The following DOCK11 variants were observed in gnomAD, a reference collection of about 807,000 sequenced individuals.
DOCK11 encodes the protein dedicator of cytokinesis protein 11.
Under a neutral mutation model 169.1 loss-of-function variants are expected in DOCK11, and 70 were observed. The ratio of observed to expected loss-of-function variants is 0.41; its 90% confidence interval spans 0.34 to 0.51. The LOEUF (loss-of-function observed/expected upper bound fraction) is 0.51, where lower values mean the gene tolerates loss of function less well. Ranked by LOEUF, DOCK11 falls within the 20% of genes least tolerant of loss-of-function variation. The pLI, the probability that DOCK11 is intolerant of heterozygous loss-of-function variation, is 0.10. For synonymous variants in DOCK11, 529 were observed against 541.3 expected, an observed-to-expected ratio of 0.98 and a Z score of 0.32; for missense variants, 1,166 against 1,538.8, an observed-to-expected ratio of 0.76 and a Z score of 4.05.
intron 20 of DOCK11, 45 bp downstream of exon 20, chrX:118,593,382 G>C: frequency 8.7e-7 from 1 of 1,151,095 alleles, no homozygotes; most frequent in South Asian, 2.1e-5. Flanking sequence ...TATTTGAAAT[G>C]GAACTGTCCA....
chrX:118,615,091 C>T (rs1387411747), intron 29 of DOCK11, among the ~76,000 whole-genome samples: 1 of 111,686 alleles, frequency 9.0e-6, no homozygotes, highest in East Asian at 2.8e-4. Flanking sequence ...GGTAGCAATC[C>T]ACATGCAGCC....
chrX:118,513,845 A>T (rs1327247577), intron 1 of DOCK11, among the ~76,000 whole-genome samples: 1 of 111,692 alleles, frequency 9.0e-6, no homozygotes, highest in East Asian at 2.8e-4. Flanking sequence ...CACACTTCAG[A>T]GCACCTGGAG....
At chrX:118,519,530 C>T (rs886095764) in intron 1 of DOCK11, among the ~76,000 whole-genome samples, 3 of 112,041 alleles carry the variant, frequency 2.7e-5, no homozygotes, top group African/African-American at 9.7e-5. Context: ...CAGAGCTTGA[C>T]TCTGTCTCAA....
intron 52 of DOCK11, among the ~76,000 whole-genome samples, chrX:118,684,251 CTTTTTTTTCTT>C (rs1162153393): frequency 3.9e-4 from 39 of 100,653 alleles, no homozygotes; most frequent in Non-Finnish European, 6.2e-4. Context: ...CTTCTTCAAG[CTTTTTTTTCTT>C]TTTTTTTTCT....
At chrX:118,681,031 A>G in intron 49 of DOCK11, 27 bp from the exon 50 acceptor site, 1 of 1,115,604 alleles carries the variant, frequency 9.0e-7, no homozygotes, top group Non-Finnish European at 1.2e-6. Flanking sequence ...TTCTAAAGTC[A>G]GTAAATCAAT....
chrX:118,674,532 G>A (rs1277291440), intron 46 of DOCK11, among the ~76,000 whole-genome samples: 1 of 112,329 alleles, frequency 8.9e-6, no homozygotes, highest in Non-Finnish European at 1.9e-5. Flanking sequence ...AGATTCCATT[G>A]TATGGATATA....
At chrX:118,557,496 C>T (rs1032824118) in intron 6 of DOCK11, among the ~76,000 whole-genome samples, 1 of 110,602 alleles carries the variant, frequency 9.0e-6, no homozygotes, top group Admixed American at 9.6e-5. Flanking sequence ...AGGCCGGGCG[C>T]GGTGGCTCAT....
chrX:118,508,508 G>A (rs905553329), intron 1 of DOCK11, among the ~76,000 whole-genome samples: 2 of 111,084 alleles, frequency 1.8e-5, no homozygotes, highest in Non-Finnish European at 3.8e-5. Flanking sequence ...TCGTTTCCTA[G>A]AGATCTGAAG....
intron 6 of DOCK11, among the ~76,000 whole-genome samples, chrX:118,552,629 T>G (rs191959015): frequency 1.1e-3 from 120 of 112,533 alleles, no homozygotes; most frequent in Non-Finnish European, 1.8e-3. Context: ...ACAGGAAAGC[T>G]GCGAATAATG....
At chrX:118,496,499 G>A (rs1376191805) in intron 1 of DOCK11, among the ~76,000 whole-genome samples, 1 of 112,912 alleles carries the variant, frequency 8.9e-6, no homozygotes, top group Non-Finnish European at 1.9e-5. Flanking sequence ...GGAAGGATGC[G>A]ATGAGCGTTT....
intron 45 of DOCK11, among the ~76,000 whole-genome samples, chrX:118,668,075 A>G (rs766586502): frequency 8.9e-6 from 1 of 111,889 alleles, no homozygotes; most frequent in East Asian, 2.8e-4. Context: ...GCACGGAACA[A>G]TTTTACTTTT....
chrX:118,536,970 C>A (rs1447300120), intron 1 of DOCK11, among the ~76,000 whole-genome samples: 1 of 111,177 alleles, frequency 9.0e-6, no homozygotes, highest in Non-Finnish European at 1.9e-5. Context: ...AAAGGAGAGC[C>A]GAATGACTAG....
chrX:118,636,828 TACAC>T (rs765702693), intron 36 of DOCK11, among the ~76,000 whole-genome samples: 1,114 of 100,387 alleles, frequency 0.011, 7 homozygotes, highest in South Asian at 0.026. Flanking sequence ...TATTTGTGTG[TACAC>T]ACACACACAC....
In DOCK11 at chrX:118,542,993, C is replaced by A. The variant is rs1470368503; in HGVS notation, c.287C>A (p.Ala96Asp). ...STVPEDAEKR[A>D]QSLFVKECIK... ...GTACCAGAAGATGCTGAAAAGAGGGCCCAGAGTTTATTTGTTAAAGAGGTA... is the reference window on the plus strand; with the variant it reads ...GTACCAGAAGATGCTGAAAAGAGGGACCAGAGTTTATTTGTTAAAGAGGTA... Residue 96 changes from alanine (A) to aspartate (D), a missense_variant, in exon 3 of 53, where the codon GCC becomes GAC. Transcript: ENST00000276202. The A allele has an allele frequency of 2.5e-6, 3 of 1,207,028 alleles. No individual in the cohort carries two copies. Among genetic ancestry groups the A allele is most frequent in the Non-Finnish European group, 3.4e-6 (3 of 893,765 alleles).
chrX:118,568,652 A>C (rs186766105), intron 10 of DOCK11, among the ~76,000 whole-genome samples: 22 of 108,779 alleles, frequency 2.0e-4, no homozygotes, highest in African/African-American at 7.0e-4. Context: ...TGGCTTAATC[A>C]CACTTTAAAT....
At chrX:118,559,292 G>T (rs767074357) in intron 6 of DOCK11, among the ~76,000 whole-genome samples, 50 of 111,773 alleles carry the variant, frequency 4.5e-4, no homozygotes, top group African/African-American at 1.5e-3. Flanking sequence ...CTCTTCTTCT[G>T]CCTCTCTCTT....
chrX:118,612,350 C>T (rs1479541309), intron 28 of DOCK11, among the ~76,000 whole-genome samples: 1 of 111,946 alleles, frequency 8.9e-6, no homozygotes, highest in African/African-American at 3.2e-5. Context: ...AGCCAACATC[C>T]ACATATCTTT....
intron 31 of DOCK11, among the ~76,000 whole-genome samples, chrX:118,619,479 T>TAAAA (rs2014909426): frequency 3.2e-5 from 1 of 31,683 alleles, no homozygotes; most frequent in Non-Finnish European, 6.3e-5. Flanking sequence ...AAACTCTGTC[T>TAAAA]CAAAAAAAAA....
At chrX:118,611,299 A>G (rs921582779) in intron 28 of DOCK11, among the ~76,000 whole-genome samples, 2 of 112,149 alleles carry the variant, frequency 1.8e-5, no homozygotes, top group Non-Finnish European at 3.8e-5. Context: ...CCATCCCCCA[A>G]TGAAATGACA....
Sources: allele counts gnomAD v4.1 joint callset (sites outside exome capture counted in the v4.1 genomes callset), GRCh38; gene constraint gnomAD v4.1.1; transcripts MANE v1.5; gene names NCBI Gene and HGNC (gene_info 2026-07-23, HGNC 2026-07-21).